Variants in SCN11A observed in about 807,000 individuals in gnomAD.
SCN11A encodes sodium voltage-gated channel alpha subunit 11.
Under a neutral mutation model 162.2 loss-of-function variants are expected in SCN11A, and 122 were observed. That is an observed-to-expected ratio of 0.75 (90% CI 0.65 to 0.87). The LOEUF is 0.87. Among genes scored for constraint, SCN11A ranks in the 40% least tolerant of loss-of-function variants. The pLI, the probability that SCN11A is intolerant of heterozygous loss-of-function variation, is 0.00. For missense variants in SCN11A, 2,015 were observed against 2,181.6 expected (o/e 0.92, Z 1.52); for synonymous variants, 758 against 751.5 (o/e 1.01, Z -0.14).
chr3:38,951,639 T>G (rs982010665), intron 4 of SCN11A, among the ~76,000 whole-genome samples: 3 of 151,628 alleles, frequency 2.0e-5, no homozygotes, highest in Non-Finnish European at 4.4e-5. Flanking sequence ...ACGTGGAGAG[T>G]CTTTATATCT....
intron 1 of SCN11A, among the ~76,000 whole-genome samples, chr3:39,041,435 G>C (rs76395807): frequency 6.6e-6 from 1 of 152,054 alleles, no homozygotes; most frequent in Non-Finnish European, 1.5e-5. Flanking sequence ...AAGACAAAGA[G>C]AGAATTTTTA....
intron 19 of SCN11A, among the ~76,000 whole-genome samples, chr3:38,892,826 T>C (rs1370172041): frequency 1.3e-5 from 2 of 152,126 alleles, no homozygotes; most frequent in Non-Finnish European, 2.9e-5. Flanking sequence ...TAGATGTATA[T>C]GTCAAATTTT....
At chr3:38,932,126 T>C (rs556634891) in intron 7 of SCN11A, among the ~76,000 whole-genome samples, 114 of 152,226 alleles carry the variant, frequency 7.5e-4, no homozygotes, top group African/African-American at 2.6e-3. Context: ...ATATTAAAAA[T>C]TGAAATGCCA....
rs1191869065 is a variant in SCN11A at position 38,921,191 on chromosome 3, G to A, written c.777C>T (p.Leu259=). 1 of 1,614,122 alleles carries A rather than the reference G, an allele frequency of 6.2e-7. No homozygotes were observed. The highest frequency in any genetic ancestry group is 2.2e-5 in the East Asian group (1 of 44,882). The change falls in exon 10 of 30, where the codon CTC becomes CTT. Residue 259 remains leucine (L), a synonymous_variant. Transcript: ENST00000302328. ...CAAAGATGCTGAGGCAAAAGAAGGTGAGGATAATCACGTTGACCAGCTTCT... is the reference window on the plus strand; with the variant it reads ...CAAAGATGCTGAGGCAAAAGAAGGTAAGGATAATCACGTTGACCAGCTTCT... ...SVKKLVNVII[L]TFFCLSIFAL... is the part of the protein sequence containing the mutation.
At chr3:38,868,616 T>A (rs1490163001) in intron 26 of SCN11A, among the ~76,000 whole-genome samples, 1 of 152,188 alleles carries the variant, frequency 6.6e-6, no homozygotes, top group African/African-American at 2.4e-5. Flanking sequence ...CCCAATTTGT[T>A]CATAGGAAAT....
intron 11 of SCN11A, 75 bp from the exon 12 acceptor site, chr3:38,910,282 G>C: frequency 6.8e-7 from 1 of 1,474,286 alleles, no homozygotes; most frequent in Non-Finnish European, 9.2e-7. Flanking sequence ...AACGACTCTG[G>C]TTTTTCCAAG....
intron 28 of SCN11A, among the ~76,000 whole-genome samples, chr3:38,852,011 G>A (rs1485762032): frequency 6.6e-6 from 1 of 152,150 alleles, no homozygotes; most frequent in Non-Finnish European, 1.5e-5. Flanking sequence ...GATCTGACCT[G>A]AGCAGGTTGA....
At chr3:38,954,198 C>T (rs1362611001) in intron 3 of SCN11A, among the ~76,000 whole-genome samples, 5 of 152,150 alleles carry the variant, frequency 3.3e-5, no homozygotes, top group East Asian at 1.9e-4. Context: ...TGGAATTCCC[C>T]GCACTATTTC....
chr3:38,976,868 T>C (rs920199606), intron 2 of SCN11A, among the ~76,000 whole-genome samples: 4 of 152,228 alleles, frequency 2.6e-5, no homozygotes, highest in Admixed American at 2.6e-4. Context: ...CAAATCCATG[T>C]AGACGCTCTG....
Position 38,871,458 on chromosome 3 carries a change from G to T in SCN11A, c.3746C>A (p.Ala1249Asp). 6.2e-7 allele frequency: 1 copy of T among 1,607,146 alleles called. No homozygotes were observed. Among genetic ancestry groups the T allele is most frequent in the Admixed American group, 1.7e-5 (1 of 59,248 alleles). Residue 1249 changes from alanine to aspartate, a missense_variant, in exon 25 of 30, where the codon GCT becomes GAT. By Grantham distance (126) the Ala-to-Asp change is moderately radical (BLOSUM62 -2). Transcript: ENST00000302328. ...NFDNVGNAYL[A>D]LLQVATFKGW... ...GACTGTACTTACCACTTGCAGCAGA[G>T]CGAGGTAAGCATTTCCCACATTGTC...
intron 7 of SCN11A, among the ~76,000 whole-genome samples, chr3:38,938,844 G>C (rs536005527): frequency 6.6e-6 from 1 of 151,354 alleles, no homozygotes; most frequent in Non-Finnish European, 1.5e-5. Context: ...GATTACAGGC[G>C]GTGAGCCACG....
In SCN11A at chr3:38,879,996, T is replaced by C. The variant is rs370499091; in HGVS notation, c.3347A>G (p.Lys1116Arg). ...GCAGCACCAGGCACTGGTGAAATAC[T>C]TTCCAAATCCGAAGGCTACCCATTT... is the stretch of plus-strand genomic sequence containing the variant. Reference protein sequence around the residue: ...VLKWVAFGFGKYFTSAWCCLD... With the variant: ...VLKWVAFGFGRYFTSAWCCLD... The change falls in exon 23 of 30, where the codon AAG becomes AGG. Residue 1116 changes from lysine to arginine, a missense_variant. By Grantham distance (26) the Lys-to-Arg change is conservative. Transcript: ENST00000302328. The C allele has an allele frequency of 1.2e-6, 2 of 1,613,134 alleles. No homozygotes were observed. The highest frequency in any genetic ancestry group is 2.2e-5 in the East Asian group (1 of 44,848).
chr3:38,993,832 T>C lies in SCN11A; in HGVS notation c.-279-33409A>G, dbSNP rs1236976413. Among the ~76,000 whole-genome samples, 4 of 152,192 alleles carry C rather than the reference T, an allele frequency of 2.6e-5. No homozygotes were observed. The South Asian group carries it at 8.3e-4, about 32-fold the overall frequency. On this transcript the variant is annotated intron_variant, in intron 2 of 29. Coordinates refer to ENST00000302328, the MANE Select transcript of SCN11A (RefSeq NM_001349253.2). ...CCTAGTGTCTCTCTTCTTTTCTGCC[T>C]CCTGCATGCAGGGAACTTGGAGTAG... is the stretch of plus-strand genomic sequence containing the variant.
At chr3:38,889,724 C>T (rs565249168) in intron 19 of SCN11A, among the ~76,000 whole-genome samples, 19 of 151,510 alleles carry the variant, frequency 1.3e-4, no homozygotes, top group Admixed American at 3.3e-4. Flanking sequence ...GGCAGGAACC[C>T]GGGAGCCAGA....
At chr3:38,943,439 T>C (rs1022919558) in intron 7 of SCN11A, among the ~76,000 whole-genome samples, 7 of 152,176 alleles carry the variant, frequency 4.6e-5, no homozygotes, top group Non-Finnish European at 8.8e-5. Context: ...GAAAAAATGG[T>C]CTCATTTATT....
chr3:38,896,364 T>C (rs1434220682), intron 18 of SCN11A, among the ~76,000 whole-genome samples: 1 of 152,202 alleles, frequency 6.6e-6, no homozygotes, highest in East Asian at 1.9e-4. Context: ...GTCAGATCCA[T>C]ATTCCTGTGG....
chr3:39,050,663 T>A (rs1190958032), intron 1 of SCN11A, among the ~76,000 whole-genome samples: 2 of 152,246 alleles, frequency 1.3e-5, no homozygotes, highest in African/African-American at 4.8e-5. Context: ...AACAGAAATT[T>A]GTGACCACAT....
chr3:38,915,255 A>C (rs1302497212), intron 11 of SCN11A, among the ~76,000 whole-genome samples: 1 of 152,068 alleles, frequency 6.6e-6, no homozygotes, highest in African/African-American at 2.4e-5. Context: ...TGTTTTTAGC[A>C]GTTTTTAATG....
intron 2 of SCN11A, among the ~76,000 whole-genome samples, chr3:39,004,697 T>C (rs2030918116): frequency 6.6e-6 from 1 of 152,200 alleles, no homozygotes; most frequent in African/African-American, 2.4e-5. Flanking sequence ...CTTCTCTGAT[T>C]TCTTTGTGCA....
Sources: allele counts gnomAD v4.1 joint callset (sites outside exome capture counted in the v4.1 genomes callset), GRCh38; gene constraint gnomAD v4.1.1; transcripts MANE v1.5; gene names NCBI Gene and HGNC (gene_info 2026-07-23, HGNC 2026-07-21).